ABCA1: variants seen among roughly 807,000 people sequenced by gnomAD.
ABCA1 encodes ATP binding cassette subfamily A member 1.
A neutral mutation model predicts 262.5 loss-of-function variants in ABCA1; 133 were observed. The ratio of observed to expected loss-of-function variants is 0.51; its 90% CI spans 0.44 to 0.59. The LOEUF is 0.59. Among genes scored for constraint, ABCA1 ranks in the 20% least tolerant of loss-of-function variants. The probability of loss-of-function intolerance (pLI) is 0.00; values close to 1 mark genes in which losing one functional copy is unlikely to be tolerated. For missense variants in ABCA1, 2,452 were observed against 2,777.5 expected (o/e 0.88, Z 2.63); for synonymous variants, 1,022 against 1,043.5 (o/e 0.98, Z 0.40).
intron 5 of ABCA1, among the ~76,000 whole-genome samples, chr9:104,867,311 T>C (rs1837184087): frequency 6.6e-6 from 1 of 152,150 alleles, no homozygotes; most frequent in South Asian, 2.1e-4. Context: ...GAGCTAGGTG[T>C]TAAATGAGCA....
At chr9:104,785,246 G>A in intron 49 of ABCA1, 150 bp downstream of exon 49, 15 of 1,005,228 alleles carry the variant, frequency 1.5e-5, no homozygotes, top group Non-Finnish European at 1.8e-5. Context: ...CAGGTTCAGA[G>A]AGGTTTAGTA....
chr9:104,806,099 C>T (rs778605975), intron 31 of ABCA1, 142 bp downstream of exon 31: 30 of 862,222 alleles, frequency 3.5e-5, no homozygotes, highest in Non-Finnish European at 4.7e-5. Context: ...AGCAAGACTC[C>T]GCCTCAGAAA....
Position 104,785,638 on chromosome 9 carries a change from A to C in ABCA1, c.6403T>G (p.Phe2135Val). 6.2e-7 allele frequency: 1 copy of C among 1,613,970 alleles called. No homozygotes were observed. Among genetic ancestry groups the C allele is most frequent in the Non-Finnish European group, 8.5e-7 (1 of 1,179,980 alleles). Residue 2135 changes from phenylalanine (F) to valine (V), a missense_variant and splice_region_variant, in exon 49 of 50, where the codon TTT becomes GTT. Phe to Val is a conservative substitution (Grantham distance 50). Transcript: ENST00000374736. ...ACAACTATTGTATAACCATCTCCAA[A>C]CCTGAAAGCAGGAAAAAATACCCAA... is the stretch of plus-strand genomic sequence containing the variant. ...LGSVQHLKNR[F>V]GDGYTIVVRI... is the part of the protein sequence containing the mutation.
At position 104,885,705 on chromosome 9, in the gene ABCA1, T is replaced by C. The variant is rs186123267; in HGVS notation, c.161-1137A>G. ...CAGTTTGGTTTGCGGCCGTAATACA[T>C]GGATGCTGCTTATGAGGATCAAGAT... On this transcript the variant is annotated intron_variant, in intron 3 of 49. Transcript: ENST00000374736. 2.5e-3 allele frequency among the ~76,000 whole-genome samples: 381 copies of C among 152,302 alleles called. 3 individuals are homozygous for C. Among genetic ancestry groups the C allele is most frequent in the South Asian group, 0.02 (96 of 4,818 alleles).
chr9:104,863,169 G>A (rs551436481), intron 5 of ABCA1, among the ~76,000 whole-genome samples: 132 of 152,154 alleles, frequency 8.7e-4, no homozygotes, highest in African/African-American at 3.0e-3. Context: ...GCGTCCCTGC[G>A]TACCTCATGT....
intron 3 of ABCA1, among the ~76,000 whole-genome samples, chr9:104,885,600 CTCTT>C (rs1011449320): frequency 6.6e-6 from 1 of 152,162 alleles, no homozygotes; most frequent in Non-Finnish European, 1.5e-5. Context: ...TCTTGCTCTC[CTCTT>C]TCTTTCTTAC....
intron 30 of ABCA1, among the ~76,000 whole-genome samples, chr9:104,808,426 G>A (rs1213053243): frequency 6.6e-6 from 1 of 152,126 alleles, no homozygotes; most frequent in Non-Finnish European, 1.5e-5. Flanking sequence ...ACCTTCATGT[G>A]GAAAATCAAA....
intron 11 of ABCA1, among the ~76,000 whole-genome samples, chr9:104,835,066 G>A (rs1833691216): frequency 6.6e-6 from 1 of 152,014 alleles, no homozygotes; most frequent in South Asian, 2.1e-4. Context: ...CGACCAACAT[G>A]GTGAAATCCC....
At chr9:104,816,454 C>G in intron 24 of ABCA1, 109 bp from the exon 25 acceptor site, 5 of 1,022,520 alleles carry the variant, frequency 4.9e-6, no homozygotes, top group Non-Finnish European at 7.6e-6. Context: ...ATACACCACA[C>G]CTGTTCCAGG....
intron 18 of ABCA1, among the ~76,000 whole-genome samples, 159 bp downstream of exon 18, chr9:104,824,306 G>A (rs932317241): frequency 1.3e-5 from 2 of 152,216 alleles, no homozygotes; most frequent in Non-Finnish European, 2.9e-5. Flanking sequence ...GGACATAAAT[G>A]GCATGGGAGG....
chr9:104,803,003 C>T (rs554714834), intron 33 of ABCA1, among the ~76,000 whole-genome samples: 1 of 152,262 alleles, frequency 6.6e-6, no homozygotes, highest in Non-Finnish European at 1.5e-5. Flanking sequence ...TCTGATTCTC[C>T]TCAAGGAAAT....
chr9:104,800,005 C>T lies in ABCA1; in HGVS notation c.4774-17G>A, dbSNP rs202067417. On this transcript the variant is annotated splice_polypyrimidine_tract_variant and intron_variant, in intron 35 of 49. Coordinates refer to ENST00000374736, the MANE Select transcript of ABCA1 (RefSeq NM_005502.4). The stretch of plus-strand genomic sequence containing the variant: ...GAACCACACCTGAAAGAAAACATAC[C>T]AGGTACAAGGTAATGCCCCCAAACC... The T allele has an allele frequency of 1.6e-3, 2,544 of 1,613,940 alleles. 51 individuals carry two copies. The South Asian group carries it at 0.026, about 17-fold the overall frequency.
intron 7 of ABCA1, among the ~76,000 whole-genome samples, chr9:104,847,337 T>G (rs1834983126): frequency 6.6e-6 from 1 of 152,172 alleles, no homozygotes; most frequent in East Asian, 1.9e-4. Context: ...TTTTCTCGAC[T>G]ATGCAGCAAA....
intron 1 of ABCA1, among the ~76,000 whole-genome samples, chr9:104,924,106 A>G (rs985494183): frequency 5.3e-5 from 8 of 152,220 alleles, no homozygotes; most frequent in African/African-American, 1.7e-4. Flanking sequence ...ACAGTGCTAT[A>G]TAAGTGTCTA....
intron 22 of ABCA1, 70 bp from the exon 23 acceptor site, chr9:104,818,953 G>A: frequency 7.2e-7 from 1 of 1,398,150 alleles, no homozygotes; most frequent in Non-Finnish European, 9.9e-7. Context: ...CAGTGACAGG[G>A]ACTAGAGAGA....
At chr9:104,907,329 G>T (rs76682344) in intron 1 of ABCA1, among the ~76,000 whole-genome samples, 1 of 152,138 alleles carries the variant, frequency 6.6e-6, no homozygotes, top group Non-Finnish European at 1.5e-5. Context: ...CAACTGACAC[G>T]TGGGTTCAGA....
Position 104,821,388 on chromosome 9 carries a change from C to A in ABCA1, c.2947G>T (p.Val983Leu). 6.2e-7 allele frequency: 1 copy of A among 1,614,124 alleles called. No individual in the cohort carries two copies. Among genetic ancestry groups the A allele is most frequent in the East Asian group, 2.2e-5 (1 of 44,888 alleles). ...QNLGVCPQHN[V>L]LFDMLTVEEH... Reference sequence around the variant, plus strand: ...GCTGGTACTCACATGTCAAACAGCACGTTATGCTGGGGACAGACCCCCAGG... The same window carrying A: ...GCTGGTACTCACATGTCAAACAGCAAGTTATGCTGGGGACAGACCCCCAGG... Residue 983 changes from valine (V) to leucine (L), a missense_variant, in exon 20 of 50, where the codon GTG (valine) becomes TTG (leucine). By Grantham distance (32) the Val-to-Leu change is conservative (BLOSUM62 1). Around this residue, in one of 4 missense-constraint regions of ABCA1, gnomAD observed 665 missense variants for 727.3 expected, o/e 0.91. Coordinates refer to ENST00000374736, the MANE Select transcript of ABCA1 (RefSeq NM_005502.4).
chr9:104,860,755 C>CT (rs762423202), intron 6 of ABCA1, among the ~76,000 whole-genome samples: 3,918 of 115,792 alleles, frequency 0.034, 360 homozygotes, highest in African/African-American at 0.11. Flanking sequence ...TTATAAAATT[C>CT]TTTTTTTTTT....
At chr9:104,870,932 G>T (rs920924335) in intron 5 of ABCA1, among the ~76,000 whole-genome samples, 39 of 152,106 alleles carry the variant, frequency 2.6e-4, no homozygotes, top group Middle Eastern at 3.2e-3. Flanking sequence ...TAATCACTCA[G>T]TTAAGGTGGG....
Sources: gnomAD v4.1 joint callset for allele counts (sites outside exome capture counted in the v4.1 genomes callset) on GRCh38, gnomAD v4.1.1 for gene constraint, gnomAD v4.1.1 regional missense constraint, MANE v1.5 for transcripts, NCBI Gene and HGNC (gene_info 2026-07-23, HGNC 2026-07-21) for gene names.